ANXA8: variants seen among roughly 807,000 people sequenced by gnomAD.
The protein encoded by ANXA8 is VAC-beta.
In ANXA8, 9 loss-of-function variants were observed where a neutral mutation model predicts 26.8. The ratio of observed to expected loss-of-function variants is 0.34; its 90% CI spans 0.20 to 0.59. ANXA8 has a LOEUF of 0.59. Among genes scored for constraint, ANXA8 ranks in the 20% least tolerant of loss-of-function variants. The pLI is 0.84. For missense variants in ANXA8, 83 were observed against 238.5 expected (o/e 0.35, Z 4.29); for synonymous variants, 39 against 94.8 (o/e 0.41, Z 3.42).
At chr10:47,958,215 A>T in the ANXA8 span, among the ~76,000 whole-genome samples, 1 of 150,058 alleles carries the variant, frequency 6.7e-6, no homozygotes, top group African/African-American at 2.5e-5. Flanking sequence ...GTGGTGGTTC[A>T]TGCCTGTAAT....
chr10:47,558,076 T>A, the ANXA8 span, among the ~76,000 whole-genome samples: 1 of 151,900 alleles, frequency 6.6e-6, no homozygotes, highest in African/African-American at 2.4e-5. Context: ...TAGTTGCAGA[T>A]GTCTGCATTT....
chr10:47,946,943 G>A, the ANXA8 span, among the ~76,000 whole-genome samples: 289 of 150,220 alleles, frequency 1.9e-3, no homozygotes, highest in African/African-American at 5.9e-3. Context: ...CACCCTCCTC[G>A]GCTTCCCAAA....
the ANXA8 span, among the ~76,000 whole-genome samples, chr10:47,508,214 A>G: frequency 1.7e-5 from 1 of 59,802 alleles, no homozygotes; most frequent in Non-Finnish European, 3.0e-5. Flanking sequence ...ACAGGCATGT[A>G]CCACCACACC....
the ANXA8 span, among the ~76,000 whole-genome samples, chr10:47,699,612 A>T: frequency 6.6e-6 from 1 of 151,412 alleles, no homozygotes; most frequent in African/African-American, 2.4e-5. Context: ...GGACAGCTTG[A>T]GCCCAGGAAT....
the ANXA8 span, among the ~76,000 whole-genome samples, chr10:47,626,253 T>C: frequency 1.3e-5 from 2 of 150,094 alleles, no homozygotes; most frequent in African/African-American, 5.1e-5. Context: ...GCTTGAATTC[T>C]TGGCTACTTA....
At chr10:47,580,947 G>A in the ANXA8 span, among the ~76,000 whole-genome samples, 1 of 149,202 alleles carries the variant, frequency 6.7e-6, no homozygotes, top group Non-Finnish European at 1.5e-5. Context: ...GGGGAGGCAG[G>A]CACCTGTAAC....
intron 11 of ANXA8, among the ~76,000 whole-genome samples, chr10:47,469,941 C>T (rs1839272450): frequency 6.6e-6 from 1 of 151,552 alleles, no homozygotes; most frequent in Non-Finnish European, 1.5e-5. Context: ...TGCAGTGATG[C>T]AGTCCTAGCT....
the ANXA8 span, among the ~76,000 whole-genome samples, chr10:47,724,216 G>A: frequency 7.6e-6 from 1 of 132,174 alleles, no homozygotes; most frequent in African/African-American, 2.9e-5. Flanking sequence ...GAAAGTCAGT[G>A]CCTGCTGGTC....
chr10:47,667,700 G>A, the ANXA8 span, among the ~76,000 whole-genome samples: 16 of 151,148 alleles, frequency 1.1e-4, no homozygotes, highest in Non-Finnish European at 1.8e-4. Flanking sequence ...TTACAGGTGT[G>A]CATCACCACG....
the ANXA8 span, chr10:47,690,899 T>C: frequency 6.2e-7 from 1 of 1,611,334 alleles, no homozygotes; most frequent in South Asian, 1.1e-5. Flanking sequence ...GTCCTTCAAG[T>C]AGCTAAGAAA....
At chr10:47,894,614 CACTA>C in the ANXA8 span, among the ~76,000 whole-genome samples, 26,083 of 137,956 alleles carry the variant, frequency 0.19, 68 homozygotes, top group Non-Finnish European at 0.21. Flanking sequence ...CACACACACA[CACTA>C]CACACACCAC....
the ANXA8 span, among the ~76,000 whole-genome samples, chr10:47,733,165 C>A: frequency 2.0e-5 from 2 of 99,644 alleles, no homozygotes. Flanking sequence ...TTCTTTCTTT[C>A]TTTCTTTCTT....
the ANXA8 span, among the ~76,000 whole-genome samples, chr10:47,515,707 T>C: frequency 5.0e-5 from 7 of 140,560 alleles, no homozygotes; most frequent in Non-Finnish European, 9.2e-5. Context: ...TAACTCTGCT[T>C]TTCCTTTCCA....
the ANXA8 span, among the ~76,000 whole-genome samples, chr10:47,694,863 TAGA>T: frequency 6.6e-6 from 1 of 151,106 alleles, no homozygotes; most frequent in Non-Finnish European, 1.5e-5. Flanking sequence ...TGACTAGAAT[TAGA>T]AGAAGATGGG....
chr10:47,701,015 G>A, the ANXA8 span, among the ~76,000 whole-genome samples: 2 of 151,084 alleles, frequency 1.3e-5, no homozygotes, highest in Non-Finnish European at 2.9e-5. Flanking sequence ...CCAGGAGGTC[G>A]AGGCTGCAGT....
the ANXA8 span, among the ~76,000 whole-genome samples, chr10:47,609,314 A>G: frequency 1.4e-5 from 2 of 146,396 alleles, no homozygotes; most frequent in Admixed American, 6.7e-5. Flanking sequence ...AATATTTGGG[A>G]AAAAGATGTT....
chr10:47,481,955 G>T (rs1839832301), intron 1 of ANXA8, among the ~76,000 whole-genome samples: 2 of 143,470 alleles, frequency 1.4e-5, no homozygotes, highest in African/African-American at 5.1e-5. Context: ...AGGCACAGGG[G>T]AGCTGCCACG....
the ANXA8 span, among the ~76,000 whole-genome samples, chr10:47,593,194 C>G: frequency 2.0e-5 from 3 of 147,498 alleles, no homozygotes; most frequent in South Asian, 6.3e-4. Flanking sequence ...GCACAGTGGA[C>G]TGGTGGGTCT....
At chr10:47,580,867 G>C in the ANXA8 span, among the ~76,000 whole-genome samples, 2 of 149,834 alleles carry the variant, frequency 1.3e-5, no homozygotes, top group South Asian at 4.2e-4. Flanking sequence ...CTGTGGTCAG[G>C]AGCTCAAGAC....
Sources: gnomAD v4.1 joint callset for allele counts (sites outside exome capture counted in the v4.1 genomes callset) on GRCh38, gnomAD v4.1.1 for gene constraint, MANE v1.5 for transcripts, NCBI Gene and HGNC (gene_info 2026-07-23, HGNC 2026-07-21) for gene names.